Variants in HDAC8 observed in about 807,000 individuals in gnomAD.
HDAC8 encodes histone deacetylase-like 1.
A neutral mutation model predicts 32.2 loss-of-function variants in HDAC8; 1 was observed. That is an observed-to-expected ratio of 0.03 (90% confidence interval 0.01 to 0.15). HDAC8 has a LOEUF of 0.15. Ranked by LOEUF, HDAC8 falls within the 10% of genes least tolerant of loss-of-function variation. HDAC8 has a pLI of 1.00. For synonymous variants in HDAC8, 108 were observed against 113.9 expected (o/e 0.95, Z 0.33); for missense variants, 117 against 300.0 (o/e 0.39, Z 4.51).
chrX:72,418,955 A>T (rs782532747), intron 9 of HDAC8, among the ~76,000 whole-genome samples: 1 of 111,219 alleles, frequency 9.0e-6, no homozygotes, highest in Non-Finnish European at 1.9e-5. Flanking sequence ...AGAGGTAGAG[A>T]TTTATTTTAG....
In HDAC8 at chrX:72,410,201, G is replaced by A. The variant is rs1360192918; in HGVS notation, c.1005+51803C>T. Among the ~76,000 whole-genome samples, 3 of 111,214 alleles carry A rather than the reference G, an allele frequency of 2.7e-5. No individual in the cohort carries two copies. In the East Asian group the frequency reaches 8.5e-4, roughly 32 times the overall value. On this transcript the variant is annotated intron_variant, in intron 9 of 10. Coordinates refer to ENST00000373573, the MANE Select transcript of HDAC8 (RefSeq NM_018486.3). The stretch of plus-strand genomic sequence containing the variant: ...GCTGAGGAAGTGCTATGAAGCCACT[G>A]TCCAAGTCTGGATTTTCATTTTAGT...
intron 4 of HDAC8, among the ~76,000 whole-genome samples, chrX:72,544,425 C>A (rs1485230980): frequency 9.0e-6 from 1 of 111,631 alleles, no homozygotes; most frequent in African/African-American, 3.3e-5. Context: ...GACAGGGAAC[C>A]AAATTCCTTT....
At chrX:72,345,751 G>A (rs944660413) in intron 10 of HDAC8, among the ~76,000 whole-genome samples, 9 of 111,706 alleles carry the variant, frequency 8.1e-5, no homozygotes, top group Non-Finnish European at 1.1e-4. Context: ...CACAGTCACA[G>A]CTCACTGCAG....
intron 9 of HDAC8, among the ~76,000 whole-genome samples, chrX:72,356,717 C>G (rs2044378903): frequency 9.0e-6 from 1 of 111,292 alleles, no homozygotes; most frequent in Non-Finnish European, 1.9e-5. Flanking sequence ...GTAACTGGGA[C>G]TACAGGAGCA....
At chrX:72,400,892 C>A (rs1555967151) in intron 9 of HDAC8, among the ~76,000 whole-genome samples, 5 of 112,297 alleles carry the variant, frequency 4.5e-5, no homozygotes, top group African/African-American at 9.7e-5. Context: ...TGGAATAATA[C>A]AATATGTGGT....
At chrX:72,403,328 C>T (rs1351817799) in intron 9 of HDAC8, among the ~76,000 whole-genome samples, 8 of 110,837 alleles carry the variant, frequency 7.2e-5, no homozygotes, top group Non-Finnish European at 1.1e-4. Flanking sequence ...AGTGGTTTCT[C>T]TAGGGGTTAC....
At chrX:72,443,090 G>A (rs1555982747) in intron 9 of HDAC8, among the ~76,000 whole-genome samples, 1 of 109,457 alleles carries the variant, frequency 9.1e-6, no homozygotes, top group African/African-American at 3.3e-5. Flanking sequence ...AATAATGGGA[G>A]ACTTTAACAC....
Position 72,572,184 on chromosome X carries a change from C to G in HDAC8, c.112-75G>C, listed in dbSNP as rs954116076. ...TTAAAGTTTAATTCAGCAAAATCCC[C>G]GTCAATCTCACCATCCTGAACAAAG... is the stretch of plus-strand genomic sequence containing the variant. On this transcript the variant is annotated intron_variant, in intron 1 of 10. Transcript: ENST00000373573. 9 of 970,798 alleles carry G rather than the reference C, an allele frequency of 9.3e-6. No homozygotes were observed. The East Asian group carries it at 3.0e-4, about 33-fold the overall frequency. The allele number at this position is 970,798 out of a possible 1,213,427, so 80.0% of individuals were successfully genotyped here.
At chrX:72,453,148 G>GA (rs34701303) in intron 9 of HDAC8, among the ~76,000 whole-genome samples, 3,080 of 90,896 alleles carry the variant, frequency 0.034, 50 homozygotes, top group African/African-American at 0.057. Context: ...ATAAAAGACT[G>GA]AAAAAAAAAA....
At chrX:72,510,288 G>A (rs879996999) in intron 4 of HDAC8, among the ~76,000 whole-genome samples, 18 of 111,952 alleles carry the variant, frequency 1.6e-4, no homozygotes, top group Admixed American at 1.0e-3. Context: ...CATTAACTGT[G>A]TGACAAAACT....
intron 4 of HDAC8, among the ~76,000 whole-genome samples, chrX:72,550,545 GCA>G (rs200244321): frequency 3.8e-5 from 4 of 106,063 alleles, no homozygotes; most frequent in South Asian, 4.1e-4. Context: ...ATACATACAT[GCA>G]CACACACACA....
chrX:72,471,851 C>T (rs1239610875), intron 7 of HDAC8, among the ~76,000 whole-genome samples: 2 of 111,127 alleles, frequency 1.8e-5, no homozygotes, highest in African/African-American at 6.5e-5. Flanking sequence ...TAAATTTTGA[C>T]GAAATTCAAT....
intron 4 of HDAC8, among the ~76,000 whole-genome samples, chrX:72,561,594 T>C (rs1203474912): frequency 1.8e-5 from 2 of 112,182 alleles, no homozygotes; most frequent in Admixed American, 9.4e-5. Flanking sequence ...GAAGATAACA[T>C]TGGAAAAACC....
At position 72,549,307 on chromosome X, in the gene HDAC8, C is replaced by T. The variant is rs192937882; in HGVS notation, c.437+18582G>A. ...TAAGTCTCAGTATTTGTTTGTTCCC[C>T]CCCCGCCTTATTATTCTATATATGC... On this transcript the variant is annotated intron_variant, in intron 4 of 10. Coordinates refer to ENST00000373573, the MANE Select transcript of HDAC8 (RefSeq NM_018486.3). Among the ~76,000 whole-genome samples the T allele has an allele frequency of 4.7e-3, 510 of 109,569 alleles. 2 individuals carry two copies. The highest frequency in any genetic ancestry group is 0.014 in the Middle Eastern group (3 of 210).
chrX:72,342,900 T>G (rs1324176747), intron 10 of HDAC8, among the ~76,000 whole-genome samples: 2 of 110,975 alleles, frequency 1.8e-5, no homozygotes, highest in Admixed American at 1.9e-4. Flanking sequence ...GCTAATAATA[T>G]TATATACATT....
chrX:72,341,306 G>A (rs1216256946), intron 10 of HDAC8, among the ~76,000 whole-genome samples: 11 of 111,772 alleles, frequency 9.8e-5, no homozygotes, highest in Non-Finnish European at 1.5e-4. Flanking sequence ...CAGGGGATGA[G>A]GGTGGGGGTT....
At chrX:72,495,083 T>G in intron 5 of HDAC8, 73 bp downstream of exon 5, 1 of 660,042 alleles carries the variant, frequency 1.5e-6, no homozygotes. Context: ...TTCTACCAGT[T>G]GCCTAGAAGC....
At chrX:72,502,139 G>A (rs978625910) in intron 4 of HDAC8, among the ~76,000 whole-genome samples, 1 of 111,854 alleles carries the variant, frequency 8.9e-6, no homozygotes, top group Non-Finnish European at 1.9e-5. Context: ...TGGCGAGGTT[G>A]CAGAGAAAAG....
At chrX:72,446,702 A>T (rs893370091) in intron 9 of HDAC8, among the ~76,000 whole-genome samples, 1 of 111,108 alleles carries the variant, frequency 9.0e-6, no homozygotes, top group Non-Finnish European at 1.9e-5. Flanking sequence ...GAGACTAATA[A>T]AGAGGAAAAG....
Sources: gnomAD v4.1 joint callset for allele counts (sites outside exome capture counted in the v4.1 genomes callset) on GRCh38, gnomAD v4.1.1 for gene constraint, MANE v1.5 for transcripts, NCBI Gene and HGNC (gene_info 2026-07-23, HGNC 2026-07-21) for gene names.